The following EPHA3 variants were observed in gnomAD, a reference collection of about 807,000 sequenced individuals.
The protein encoded by EPHA3 is ephrin type-A receptor 3.
In EPHA3, 42 loss-of-function variants were observed where a neutral mutation model predicts 107.1. That is an observed-to-expected ratio of 0.39 (90% CI 0.31 to 0.51). The LOEUF (loss-of-function observed/expected upper bound fraction) is 0.51, where lower values mean the gene tolerates loss of function less well. EPHA3 is among the 20% of genes least tolerant of loss of function. The pLI, the probability that EPHA3 is intolerant of heterozygous loss-of-function variation, is 0.78. For missense variants in EPHA3, 1,183 were observed against 1,211.2 expected, an observed-to-expected ratio of 0.98 and a Z score of 0.35; for synonymous variants, 461 against 424.8, an observed-to-expected ratio of 1.09 and a Z score of -1.05.
Position 89,393,790 on chromosome 3 carries a change from T to TAAA in EPHA3, c.1307-2043_1307-2041dup, listed in dbSNP as rs1399975184. Among the ~76,000 whole-genome samples, 512 of 143,972 alleles carry TAAA rather than the reference T, an allele frequency of 3.6e-3. 3 individuals are homozygous for TAAA. Among genetic ancestry groups the TAAA allele is most frequent in the African/African-American group, 0.012 (501 of 41,020 alleles). 94.5% of individuals were successfully genotyped at this position (143,972 alleles called of 152,430 possible). ...AAGTAAGCAAAAATAAATTTTTTTTTAAAAAATCCACATATCCATTTATTT... is the reference window on the plus strand; with the variant it reads ...AAGTAAGCAAAAATAAATTTTTTTTTAAAAAAAAATCCACATATCCATTTATTT... On this transcript the variant is annotated intron_variant, in intron 5 of 16. Transcript: ENST00000336596.
chr3:89,136,208 C>T (rs1704306221), intron 2 of EPHA3, among the ~76,000 whole-genome samples: 1 of 151,368 alleles, frequency 6.6e-6, no homozygotes. Flanking sequence ...ATATGTGATT[C>T]TTGGTCACTT....
At chr3:89,217,396 C>T (rs188520730) in intron 3 of EPHA3, among the ~76,000 whole-genome samples, 1 of 151,624 alleles carries the variant, frequency 6.6e-6, no homozygotes, top group African/African-American at 2.4e-5. Context: ...AATCCAGGGT[C>T]GTTAAAAAAA....
chr3:89,359,093 A>C (rs1421589002), intron 5 of EPHA3, among the ~76,000 whole-genome samples: 1 of 151,290 alleles, frequency 6.6e-6, no homozygotes, highest in East Asian at 1.9e-4. Flanking sequence ...GTTACCACAT[A>C]AAGTATATAA....
At chr3:89,473,984 A>G (rs1247172602) in intron 16 of EPHA3, among the ~76,000 whole-genome samples, 2 of 152,074 alleles carry the variant, frequency 1.3e-5, no homozygotes, top group Non-Finnish European at 2.9e-5. Flanking sequence ...TAGTCCCCCA[A>G]GTTTAAGTAT....
intron 15 of EPHA3, among the ~76,000 whole-genome samples, chr3:89,457,750 T>A (rs933202991): frequency 6.6e-6 from 1 of 152,206 alleles, no homozygotes; most frequent in African/African-American, 2.4e-5. Context: ...GGAATAGTTC[T>A]TTGGCAGCTA....
At chr3:89,280,357 A>T (rs1705911868) in intron 3 of EPHA3, among the ~76,000 whole-genome samples, 2 of 152,104 alleles carry the variant, frequency 1.3e-5, no homozygotes, top group Admixed American at 1.3e-4. Context: ...CTCAGAGTTA[A>T]TAGTAATCAA....
chr3:89,154,031 G>A (rs1158387433), intron 2 of EPHA3, among the ~76,000 whole-genome samples: 2 of 151,950 alleles, frequency 1.3e-5, no homozygotes, highest in Non-Finnish European at 2.9e-5. Flanking sequence ...TTGTCCTGAA[G>A]CCATGAGGCC....
At chr3:89,298,932 A>C (rs2107342501) in intron 3 of EPHA3, among the ~76,000 whole-genome samples, 1 of 152,252 alleles carries the variant, frequency 6.6e-6, no homozygotes, top group South Asian at 2.1e-4. Context: ...ATGATAATAC[A>C]GGAAAACTCT....
chr3:89,400,638 T>A (rs1479350480), intron 7 of EPHA3, among the ~76,000 whole-genome samples: 2 of 148,138 alleles, frequency 1.4e-5, no homozygotes, highest in African/African-American at 5.0e-5. Context: ...TGTGTGAGCG[T>A]GTGTGTGTGT....
At chr3:89,402,807 A>G (rs796077583) in intron 7 of EPHA3, among the ~76,000 whole-genome samples, 64 of 152,216 alleles carry the variant, frequency 4.2e-4, no homozygotes, top group African/African-American at 1.5e-3. Context: ...GCGATTCTAT[A>G]GCTGGGATTA....
chr3:89,405,913 G>A (rs892228110), intron 7 of EPHA3, among the ~76,000 whole-genome samples: 1 of 152,078 alleles, frequency 6.6e-6, no homozygotes, highest in Non-Finnish European at 1.5e-5. Context: ...ATTCTAAATG[G>A]CTTTTACACG....
chr3:89,458,936 C>G (rs1470656465), intron 15 of EPHA3, among the ~76,000 whole-genome samples: 1 of 152,128 alleles, frequency 6.6e-6, no homozygotes, highest in African/African-American at 2.4e-5. Flanking sequence ...GAACAGAAAA[C>G]CAAACACTGC....
intron 3 of EPHA3, among the ~76,000 whole-genome samples, chr3:89,296,642 G>A (rs1438276991): frequency 6.6e-6 from 1 of 152,152 alleles, no homozygotes; most frequent in Non-Finnish European, 1.5e-5. Flanking sequence ...AATGGCAAAT[G>A]TGTGTTGGTT....
At chr3:89,176,164 G>T (rs1175686468) in intron 2 of EPHA3, among the ~76,000 whole-genome samples, 1 of 152,066 alleles carries the variant, frequency 6.6e-6, no homozygotes, top group Non-Finnish European at 1.5e-5. Context: ...TATAGGTGTT[G>T]AAGTTCAAAA....
chr3:89,453,555 T>C (rs113721178), intron 15 of EPHA3, among the ~76,000 whole-genome samples: 6 of 152,128 alleles, frequency 3.9e-5, no homozygotes, highest in African/African-American at 1.4e-4. Flanking sequence ...ATATAAACAT[T>C]TGGGCAATTA....
At position 89,370,099 on chromosome 3, in the gene EPHA3, C is replaced by T. The variant is rs997155883; in HGVS notation, c.1307-25738C>T. Among the ~76,000 whole-genome samples the T allele has an allele frequency of 8.6e-5, 13 of 150,558 alleles. 1 individual carries two copies. The highest frequency in any genetic ancestry group is 2.4e-4 in the African/African-American group (10 of 40,968). On this transcript the variant is annotated intron_variant, in intron 5 of 16. Coordinates refer to ENST00000336596, the MANE Select transcript of EPHA3 (RefSeq NM_005233.6). Reference sequence around the variant, plus strand: ...TCAACCATTGTGGAAGTCAGTGTGGCGATTCCTCAGGGATCTAGAACTAGA... The same window carrying T: ...TCAACCATTGTGGAAGTCAGTGTGGTGATTCCTCAGGGATCTAGAACTAGA...
intron 3 of EPHA3, among the ~76,000 whole-genome samples, chr3:89,321,580 TG>T (rs1452778754): frequency 1.3e-5 from 2 of 152,064 alleles, no homozygotes; most frequent in Admixed American, 6.6e-5. Context: ...GTCTAAGAAA[TG>T]TTTAACTTAT....
At chr3:89,425,891 C>T (rs1709446372) in intron 11 of EPHA3, among the ~76,000 whole-genome samples, 1 of 151,496 alleles carries the variant, frequency 6.6e-6, no homozygotes, top group Non-Finnish European at 1.5e-5. Context: ...TAGCTCCGAG[C>T]CACTGGGGAT....
chr3:89,252,498 G>A (rs1337367905), intron 3 of EPHA3, among the ~76,000 whole-genome samples: 2 of 152,080 alleles, frequency 1.3e-5, no homozygotes, highest in Admixed American at 1.3e-4. Context: ...AACACTTTAG[G>A]AGGATGAGGA....
Sources: allele counts gnomAD v4.1 joint callset (sites outside exome capture counted in the v4.1 genomes callset), GRCh38; gene constraint gnomAD v4.1.1; transcripts MANE v1.5; gene names NCBI Gene and HGNC (gene_info 2026-07-23, HGNC 2026-07-21).